Variants in CNTNAP4 observed in about 807,000 individuals in gnomAD.
CNTNAP4 encodes contactin associated protein family member 4, also known as contactin-associated protein-like 4.
CNTNAP4 carries 98 observed loss-of-function variants against 148.4 expected under a neutral mutation model. That is an observed-to-expected ratio of 0.66 (90% CI 0.56 to 0.78). The LOEUF is 0.78. Among genes scored for constraint, CNTNAP4 ranks in the 30% least tolerant of loss-of-function variants. The pLI is 0.00. For synonymous variants in CNTNAP4, 730 were observed against 565.1 expected, an observed-to-expected ratio of 1.29 and a Z score of -4.14; for missense variants, 1,935 against 1,565.6, an observed-to-expected ratio of 1.24 and a Z score of -3.98.
chr16:76,553,491 C>A lies in CNTNAP4; in HGVS notation c.3651C>A (p.His1217Gln). 3.1e-6 allele frequency: 5 copies of A among 1,609,210 alleles called. No individual in the cohort carries two copies. The highest frequency in any genetic ancestry group is 4.2e-6 in the Non-Finnish European group (5 of 1,177,256). ...GTDATSRERT[H>Q]SFADHSGTID... ...ATGCCACATCAAGGGAAAGGACACACTCGTTTGCAGGTGACTTAGAGTTCT... is the reference window on the plus strand; with the variant it reads ...ATGCCACATCAAGGGAAAGGACACAATCGTTTGCAGGTGACTTAGAGTTCT... Residue 1217 changes from histidine to glutamine, a missense_variant, in exon 22 of 24, where the codon CAC (histidine) becomes CAA (glutamine). Transcript: ENST00000611870.
chr16:76,283,082 A>G (rs1465024834), intron 1 of CNTNAP4, among the ~76,000 whole-genome samples: 1 of 151,902 alleles, frequency 6.6e-6, no homozygotes, highest in Non-Finnish European at 1.5e-5. Context: ...AGGAATTGTG[A>G]TGAGATTCGT....
intron 1 of CNTNAP4, among the ~76,000 whole-genome samples, chr16:76,291,692 C>T (rs748021779): frequency 6.6e-6 from 1 of 152,202 alleles, no homozygotes; most frequent in Non-Finnish European, 1.5e-5. Context: ...GTGATACATT[C>T]TATGCTTAGT....
At chr16:76,348,567 G>A (rs935125786) in intron 2 of CNTNAP4, among the ~76,000 whole-genome samples, 1 of 152,172 alleles carries the variant, frequency 6.6e-6, no homozygotes, top group Non-Finnish European at 1.5e-5. Flanking sequence ...TAGGTAGCAA[G>A]AAAATTAAGA....
intron 2 of CNTNAP4, among the ~76,000 whole-genome samples, chr16:76,351,806 CTGA>C (rs1191668057): frequency 6.6e-6 from 1 of 152,172 alleles, no homozygotes; most frequent in Non-Finnish European, 1.5e-5. Flanking sequence ...CCTCTTTCTC[CTGA>C]TGAGAATTGA....
chr16:76,328,230 A>T (rs1963187214), intron 2 of CNTNAP4, among the ~76,000 whole-genome samples: 1 of 152,192 alleles, frequency 6.6e-6, no homozygotes, highest in South Asian at 2.1e-4. Context: ...ATCAGTGATA[A>T]ATTATATTGA....
intron 17 of CNTNAP4, among the ~76,000 whole-genome samples, chr16:76,525,705 TAA>T (rs2083698375): frequency 7.0e-6 from 1 of 142,118 alleles, no homozygotes; most frequent in East Asian, 2.0e-4. Flanking sequence ...CTAATATATA[TAA>T]ACTATTATAT....
At chr16:76,402,644 GT>G (rs1217941126) in intron 3 of CNTNAP4, among the ~76,000 whole-genome samples, 1 of 152,092 alleles carries the variant, frequency 6.6e-6, no homozygotes, top group Non-Finnish European at 1.5e-5. Flanking sequence ...CAGTTGTGAT[GT>G]TAGGTTGTTA....
At chr16:76,491,651 A>T (rs1475981926) in intron 13 of CNTNAP4, among the ~76,000 whole-genome samples, 1 of 152,230 alleles carries the variant, frequency 6.6e-6, no homozygotes, top group African/African-American at 2.4e-5. Flanking sequence ...TAAGAAGAAG[A>T]ATGGTAATTA....
At chr16:76,331,202 T>C (rs544055674) in intron 2 of CNTNAP4, among the ~76,000 whole-genome samples, 1 of 152,252 alleles carries the variant, frequency 6.6e-6, no homozygotes, top group Non-Finnish European at 1.5e-5. Context: ...TTTTTCTTTT[T>C]TTTTAGACAG....
At chr16:76,405,695 G>A (rs117309721) in intron 3 of CNTNAP4, among the ~76,000 whole-genome samples, 2 of 152,102 alleles carry the variant, frequency 1.3e-5, no homozygotes, top group Non-Finnish European at 1.5e-5. Flanking sequence ...TGGTCTTGCT[G>A]TTCACGGGTG....
At chr16:76,544,837 T>C (rs6564349) in intron 21 of CNTNAP4, among the ~76,000 whole-genome samples, 33,095 of 152,150 alleles carry the variant, frequency 0.22, 3,811 homozygotes, top group African/African-American at 0.29. Flanking sequence ...AGAGCCAAGA[T>C]GTACTTTCAA....
intron 17 of CNTNAP4, among the ~76,000 whole-genome samples, chr16:76,529,465 C>T (rs2083879463): frequency 6.6e-6 from 1 of 152,190 alleles, no homozygotes; most frequent in Non-Finnish European, 1.5e-5. Flanking sequence ...AAGAATCAAT[C>T]ATTTTTAAAG....
rs147794276 is a variant in CNTNAP4 at position 76,309,942 on chromosome 16, C to G, written c.86-6471C>G. On this transcript the variant is annotated intron_variant, in intron 1 of 23. Transcript: ENST00000611870. ...TTAAGTCTCTTTTTCTTCCCCGTCT[C>G]GGGTATGTCTTTATCAGCAGCATGG... 28 of 700,446 alleles carry G rather than the reference C, an allele frequency of 4.0e-5. No homozygotes were observed. In the African/African-American group the frequency reaches 4.4e-4, roughly 11 times the overall value. 43.4% of individuals were successfully genotyped at this position (700,446 alleles called of 1,614,324 possible).
chr16:76,460,957 C>T lies in CNTNAP4; in HGVS notation c.1334-999C>T, dbSNP rs77414104. On this transcript the variant is annotated intron_variant, in intron 8 of 23. Transcript: ENST00000611870. ...GCGTCTGTCACAACATTTTCTCAATCAGTCAATACATAATCTTGTTTTATG... is the reference window on the plus strand; with the variant it reads ...GCGTCTGTCACAACATTTTCTCAATTAGTCAATACATAATCTTGTTTTATG... 1.4e-3 allele frequency among the ~76,000 whole-genome samples: 211 copies of T among 151,330 alleles called. 1 individual carries two copies. Among genetic ancestry groups the T allele is most frequent in the African/African-American group, 4.9e-3 (204 of 41,218 alleles).
At chr16:76,336,200 GAAAA>G (rs924368772) in intron 2 of CNTNAP4, among the ~76,000 whole-genome samples, 1 of 151,826 alleles carries the variant, frequency 6.6e-6, no homozygotes, top group African/African-American at 2.4e-5. Context: ...ATTGGGTTGG[GAAAA>G]AAAATGCAGA....
At chr16:76,438,012 AAC>A (rs2079896004) in intron 4 of CNTNAP4, among the ~76,000 whole-genome samples, 1 of 152,276 alleles carries the variant, frequency 6.6e-6, no homozygotes, top group East Asian at 1.9e-4. Flanking sequence ...AAATGAAAGA[AAC>A]TGGAGCAGAA....
chr16:76,363,588 G>A (rs1262470748), intron 3 of CNTNAP4, among the ~76,000 whole-genome samples: 2 of 152,088 alleles, frequency 1.3e-5, no homozygotes, highest in African/African-American at 4.8e-5. Flanking sequence ...TCTTGGTAAT[G>A]CATAAATATT....
chr16:76,318,355 A>T (rs2144112792), intron 2 of CNTNAP4, among the ~76,000 whole-genome samples: 1 of 152,286 alleles, frequency 6.6e-6, no homozygotes, highest in African/African-American at 2.4e-5. Context: ...AGATCAAATC[A>T]TATTTTTCAT....
intron 1 of CNTNAP4, among the ~76,000 whole-genome samples, chr16:76,278,890 G>A (rs188671040): frequency 6.6e-6 from 1 of 152,184 alleles, no homozygotes; most frequent in South Asian, 2.1e-4. Flanking sequence ...CCTGGCTCCC[G>A]TGATTTCGTG....
Sources: allele counts gnomAD v4.1 joint callset (sites outside exome capture counted in the v4.1 genomes callset), GRCh38; gene constraint gnomAD v4.1.1; transcripts MANE v1.5; gene names NCBI Gene and HGNC (gene_info 2026-07-23, HGNC 2026-07-21).